Variants in FMN1 observed in about 807,000 individuals in gnomAD.
FMN1 encodes the protein formin 1.
FMN1 carries 110 observed loss-of-function variants against 132.4 expected under a neutral mutation model. The ratio of observed to expected loss-of-function variants is 0.83; its 90% CI spans 0.71 to 0.97. The LOEUF is 0.97. Ranked by LOEUF, FMN1 falls within the 50% of genes least tolerant of loss-of-function variation. The pLI, the probability that FMN1 is intolerant of heterozygous loss-of-function variation, is 0.00. For synonymous variants in FMN1, 722 were observed against 651.7 expected (o/e 1.11, Z -1.64); for missense variants, 1,792 against 1,705.3 (o/e 1.05, Z -0.90).
chr15:32,976,166 CT>C (rs1312891945), intron 7 of FMN1, among the ~76,000 whole-genome samples: 1 of 152,136 alleles, frequency 6.6e-6, no homozygotes, highest in African/African-American at 2.4e-5. Flanking sequence ...GTCAGTCAGT[CT>C]TTTCCAGGGA....
chr15:33,165,565 G>T lies in FMN1; in HGVS notation c.-131-10520C>A, dbSNP rs925296650. Among the ~76,000 whole-genome samples the T allele has an allele frequency of 3.3e-5, 5 of 152,176 alleles. No individual in the cohort carries two copies. In the East Asian group the frequency reaches 9.7e-4, roughly 30 times the overall value. ...GCCACCACGCCCGGCTAATTTTTTTGTATTTTTAGTAGAGACGGGGTTTCA... is the reference window on the plus strand; with the variant it reads ...GCCACCACGCCCGGCTAATTTTTTTTTATTTTTAGTAGAGACGGGGTTTCA... On this transcript the variant is annotated intron_variant, in intron 3 of 20. Coordinates refer to ENST00000616417, the MANE Select transcript of FMN1 (RefSeq NM_001277313.2).
intron 17 of FMN1, among the ~76,000 whole-genome samples, chr15:32,823,097 C>G (rs1026589951): frequency 3.3e-5 from 5 of 151,318 alleles, no homozygotes; most frequent in African/African-American, 1.2e-4. Flanking sequence ...CGCCCTTTCT[C>G]TCCTACCCAC....
chr15:33,189,710 T>G (rs184167007), intron 2 of FMN1, among the ~76,000 whole-genome samples: 62 of 152,334 alleles, frequency 4.1e-4, no homozygotes, highest in Non-Finnish European at 3.4e-4. Context: ...TTTCCTCATC[T>G]GTAGGAGAGG....
chr15:33,044,504 T>A (rs1584956), intron 6 of FMN1, among the ~76,000 whole-genome samples: 27,684 of 152,110 alleles, frequency 0.18, 2,708 homozygotes, highest in Middle Eastern at 0.24. Flanking sequence ...AGGACAACCA[T>A]CTGTGGAGAG....
At chr15:32,988,254 A>G (rs1013960107) in intron 7 of FMN1, among the ~76,000 whole-genome samples, 5 of 152,078 alleles carry the variant, frequency 3.3e-5, no homozygotes, top group Admixed American at 6.5e-5. Context: ...TAAACCCTCA[A>G]TACAATTCTT....
chr15:32,964,969 G>A (rs570826415), intron 8 of FMN1, among the ~76,000 whole-genome samples: 4 of 152,254 alleles, frequency 2.6e-5, no homozygotes, highest in African/African-American at 7.2e-5. Context: ...TAGTTTTGAA[G>A]GGAAGAAAAG....
At position 32,831,483 on chromosome 15, in the gene FMN1, G is replaced by A. The variant is rs116454139; in HGVS notation, c.3928+25532C>T. Among the ~76,000 whole-genome samples the A allele has an allele frequency of 3.0e-3, 456 of 152,246 alleles. 2 individuals are homozygous for A. Among genetic ancestry groups the A allele is most frequent in the African/African-American group, 0.01 (435 of 41,542 alleles). ...GGTATTTGCTGCTTGCCTAGAACAC[G>A]GGAAGTGGAGCTGGCAGTCCAAGCT... is the stretch of plus-strand genomic sequence containing the variant. On this transcript the variant is annotated intron_variant, in intron 17 of 20. Coordinates refer to ENST00000616417, the MANE Select transcript of FMN1 (RefSeq NM_001277313.2).
chr15:32,811,012 G>T, intron 17 of FMN1: 1 of 456,372 alleles, frequency 2.2e-6, no homozygotes, highest in Non-Finnish European at 4.4e-6. Flanking sequence ...TGTGGCAATC[G>T]TTTTCCATTT....
intron 16 of FMN1, among the ~76,000 whole-genome samples, chr15:32,866,499 C>T (rs547014412): frequency 9.9e-5 from 15 of 152,204 alleles, no homozygotes; most frequent in South Asian, 8.3e-4. Context: ...ACATACTGTA[C>T]GCGGCTTTAT....
At chr15:32,949,499 T>C (rs2061578167) in intron 9 of FMN1, among the ~76,000 whole-genome samples, 1 of 152,082 alleles carries the variant, frequency 6.6e-6, no homozygotes, top group Non-Finnish European at 1.5e-5. Flanking sequence ...TGGCTAGCCA[T>C]ATGGAGAAGA....
intron 2 of FMN1, among the ~76,000 whole-genome samples, chr15:33,186,317 A>G (rs11632332): frequency 0.33 from 49,405 of 151,850 alleles, 8,594 homozygotes; most frequent in Non-Finnish European, 0.38. Flanking sequence ...ACACCTGACC[A>G]CCAATCATGT....
chr15:33,138,916 G>T (rs1963886273), intron 4 of FMN1, among the ~76,000 whole-genome samples: 1 of 151,172 alleles, frequency 6.6e-6, no homozygotes, highest in Admixed American at 6.6e-5. Context: ...CCCTGGAGAA[G>T]TTCTTCATGA....
chr15:33,144,428 A>G (rs910001218), intron 4 of FMN1, among the ~76,000 whole-genome samples: 5 of 152,036 alleles, frequency 3.3e-5, no homozygotes, highest in Non-Finnish European at 7.4e-5. Flanking sequence ...TGAGGTCAGG[A>G]GATCAAGACC....
intron 6 of FMN1, among the ~76,000 whole-genome samples, chr15:33,036,739 T>C (rs1043111200): frequency 6.6e-6 from 1 of 152,246 alleles, no homozygotes; most frequent in African/African-American, 2.4e-5. Flanking sequence ...ATTTAATCCA[T>C]GTAGAGCATT....
intron 4 of FMN1, among the ~76,000 whole-genome samples, chr15:33,089,749 C>T (rs1014969222): frequency 1.3e-5 from 2 of 152,154 alleles, no homozygotes; most frequent in Non-Finnish European, 2.9e-5. Flanking sequence ...GACTTGAACC[C>T]AGGCAGTTAA....
intron 19 of FMN1, among the ~76,000 whole-genome samples, chr15:32,797,744 G>A (rs545230684): frequency 1.3e-5 from 2 of 152,158 alleles, no homozygotes; most frequent in African/African-American, 4.8e-5. Flanking sequence ...TTAGCTCCCT[G>A]AGAAAATACT....
chr15:33,162,738 A>G (rs1004697412), intron 3 of FMN1, among the ~76,000 whole-genome samples: 1 of 152,200 alleles, frequency 6.6e-6, no homozygotes, highest in Non-Finnish European at 1.5e-5. Context: ...AACAGATTGG[A>G]GTAGAAAGAG....
chr15:32,801,582 T>C (rs923323211), intron 18 of FMN1, among the ~76,000 whole-genome samples: 2 of 151,860 alleles, frequency 1.3e-5, no homozygotes, highest in Non-Finnish European at 2.9e-5. Context: ...CTGGCTAACA[T>C]GCTGAAACCC....
At chr15:32,892,437 A>C (rs34329329) in intron 15 of FMN1, among the ~76,000 whole-genome samples, 5 of 152,064 alleles carry the variant, frequency 3.3e-5, no homozygotes, top group African/African-American at 1.2e-4. Context: ...TATCTTTTTG[A>C]TATGTTGTTG....
Sources: gnomAD v4.1 joint callset for allele counts (sites outside exome capture counted in the v4.1 genomes callset) on GRCh38, gnomAD v4.1.1 for gene constraint, MANE v1.5 for transcripts, NCBI Gene and HGNC (gene_info 2026-07-23, HGNC 2026-07-21) for gene names.